EDNRA: variants seen among roughly 807,000 people sequenced by gnomAD.
EDNRA encodes endothelin-1 receptor.
A neutral mutation model predicts 41.4 loss-of-function variants in EDNRA; 11 were observed. The observed-to-expected ratio is 0.27, with a 90% CI of 0.17 to 0.44. The LOEUF is 0.44. Ranked by LOEUF, EDNRA falls within the 20% of genes least tolerant of loss-of-function variation. The probability of loss-of-function intolerance (pLI) is 1.00; values close to 1 mark genes in which losing one functional copy is unlikely to be tolerated. For missense variants in EDNRA, 294 were observed against 531.0 expected (o/e 0.55, Z 4.39); for synonymous variants, 172 against 183.0 (o/e 0.94, Z 0.49).
chr4:147,491,505 T>A (rs1232817742), intron 2 of EDNRA: 1 of 152,220 alleles, frequency 6.6e-6, no homozygotes, highest in African/African-American at 2.4e-5. Context: ...ATAAGGGCCT[T>A]CACTCTTAAA....
At chr4:147,483,375 G>A (rs62345670) in intron 1 of EDNRA, among the ~76,000 whole-genome samples, 1 of 152,128 alleles carries the variant, frequency 6.6e-6, no homozygotes, top group African/African-American at 2.4e-5. Context: ...CAAGACTCTG[G>A]TTTCCTTATA....
chr4:147,492,697 G>T (rs1729178630), intron 2 of EDNRA: 1 of 151,422 alleles, frequency 6.6e-6, no homozygotes, highest in Non-Finnish European at 1.5e-5. Flanking sequence ...TACGAAGTAG[G>T]TTGATTTTTC....
In EDNRA at chr4:147,521,034, A is replaced by T. The variant is rs568802912; in HGVS notation, c.548+1056A>T. Among the ~76,000 whole-genome samples, 6 of 152,282 alleles carry T rather than the reference A, an allele frequency of 3.9e-5. 1 individual carries two copies. In the South Asian group the frequency reaches 1.2e-3, roughly 32 times the overall value. On this transcript the variant is annotated intron_variant, in intron 3 of 7. Coordinates refer to ENST00000651419, the MANE Select transcript of EDNRA (RefSeq NM_001957.4). ...CACTTTAGGAGGCCAAGATGGGCTG[A>T]CTTCTTGAGCCCAGGAGTTTGAAAC...
At chr4:147,524,269 G>A (rs1042885842) in intron 3 of EDNRA, among the ~76,000 whole-genome samples, 1 of 152,034 alleles carries the variant, frequency 6.6e-6, no homozygotes, top group Non-Finnish European at 1.5e-5. Context: ...TCTTCCTTGG[G>A]GGGATCTAGG....
chr4:147,490,353 T>A (rs187072467), intron 2 of EDNRA: 15 of 152,350 alleles, frequency 9.8e-5, no homozygotes, highest in Admixed American at 7.2e-4. Flanking sequence ...AAAGGATAAC[T>A]GATTTTTAGT....
chr4:147,535,330 C>A (rs1255162149), intron 4 of EDNRA, among the ~76,000 whole-genome samples: 1 of 152,104 alleles, frequency 6.6e-6, no homozygotes, highest in African/African-American at 2.4e-5. Context: ...AAGTTCAAAG[C>A]GGCTGGCTTT....
chr4:147,498,651 G>A (rs564193305), intron 2 of EDNRA, among the ~76,000 whole-genome samples: 1 of 152,236 alleles, frequency 6.6e-6, no homozygotes, highest in South Asian at 2.1e-4. Context: ...CAAGCCTGGT[G>A]GCATCTCACC....
intron 3 of EDNRA, among the ~76,000 whole-genome samples, chr4:147,530,843 T>C (rs965206508): frequency 2.6e-4 from 39 of 152,220 alleles, no homozygotes; most frequent in South Asian, 6.2e-4. Context: ...TTGCATGTCC[T>C]GCAAACCCAT....
At chr4:147,499,833 C>G (rs112685354) in intron 2 of EDNRA, among the ~76,000 whole-genome samples, 1,935 of 114,148 alleles carry the variant, frequency 0.017, 49 homozygotes, top group African/African-American at 0.058. Flanking sequence ...GAGACGGAGT[C>G]TCACTCTGTC....
chr4:147,483,854 A>G (rs1728857174), intron 1 of EDNRA, among the ~76,000 whole-genome samples: 1 of 151,704 alleles, frequency 6.6e-6, no homozygotes, highest in Non-Finnish European at 1.5e-5. Flanking sequence ...CAAGTAGCTG[A>G]GACTACAGGC....
chr4:147,521,912 C>T (rs1730333320), intron 3 of EDNRA, among the ~76,000 whole-genome samples: 1 of 152,116 alleles, frequency 6.6e-6, no homozygotes, highest in African/African-American at 2.4e-5. Context: ...TGCTCTGTCA[C>T]CCGGACTAGA....
At chr4:147,531,188 TAATC>T (rs1373057014) in intron 3 of EDNRA, among the ~76,000 whole-genome samples, 1 of 152,256 alleles carries the variant, frequency 6.6e-6, no homozygotes, top group African/African-American at 2.4e-5. Context: ...TTGATTGACA[TAATC>T]ATTCAGTCAC....
chr4:147,543,615 A>T lies in EDNRA; in HGVS notation c.*997A>T, dbSNP rs1197497562. Reference sequence around the variant, plus strand: ...AGAAAAAGATCGAATTTTTCAGATGATTCAGAAATTTTCATTCAGGTATTT... The same window carrying T: ...AGAAAAAGATCGAATTTTTCAGATGTTTCAGAAATTTTCATTCAGGTATTT... On this transcript the variant is annotated 3_prime_UTR_variant, in exon 8 of 8. Transcript: ENST00000651419. The T allele has an allele frequency of 6.6e-6, 1 of 152,202 alleles. No homozygotes were observed. The highest frequency in any genetic ancestry group is 1.5e-5 in the Non-Finnish European group (1 of 68,038). The allele number at this position is 152,202 out of a possible 1,614,324, so 9.4% of individuals were successfully genotyped here.
intron 2 of EDNRA, chr4:147,506,155 G>T: frequency 3.8e-6 from 2 of 527,868 alleles, no homozygotes; most frequent in African/African-American, 1.9e-5. Context: ...GGGAAACTGT[G>T]GATTGCCAAG....
chr4:147,505,853 T>C (rs1003852816), intron 2 of EDNRA, among the ~76,000 whole-genome samples: 3 of 151,926 alleles, frequency 2.0e-5, no homozygotes, highest in Admixed American at 2.0e-4. Context: ...TTTCACCGTG[T>C]CAGCCAGGAT....
rs1218713173 is a variant in EDNRA at position 147,544,502 on chromosome 4, T to C, written c.*1884T>C. On this transcript the variant is annotated 3_prime_UTR_variant, in exon 8 of 8. Transcript: ENST00000651419. ...GACAGATTGCTGATAATAAATTAGGTAAGATAATTTGTTGGGCCATATTTT... is the reference window on the plus strand; with the variant it reads ...GACAGATTGCTGATAATAAATTAGGCAAGATAATTTGTTGGGCCATATTTT... 1.3e-5 allele frequency: 2 copies of C among 152,636 alleles called. No homozygotes were observed. Among genetic ancestry groups the C allele is most frequent in the Non-Finnish European group, 2.9e-5 (2 of 68,040 alleles). The allele number at this position is 152,636 out of a possible 1,614,324, so 9.5% of individuals were successfully genotyped here.
chr4:147,528,555 T>C (rs1444154785), intron 3 of EDNRA, among the ~76,000 whole-genome samples: 1 of 152,038 alleles, frequency 6.6e-6, no homozygotes, highest in Non-Finnish European at 1.5e-5. Flanking sequence ...TTTCACCATG[T>C]TGCCCAGGGT....
chr4:147,508,863 G>C (rs1008544317), intron 2 of EDNRA, among the ~76,000 whole-genome samples: 1 of 152,146 alleles, frequency 6.6e-6, no homozygotes, highest in Non-Finnish European at 1.5e-5. Flanking sequence ...TATATTAATA[G>C]TAAGTTTTTA....
At chr4:147,527,185 A>T (rs2126463471) in intron 3 of EDNRA, among the ~76,000 whole-genome samples, 1 of 152,336 alleles carries the variant, frequency 6.6e-6, no homozygotes, top group African/African-American at 2.4e-5. Flanking sequence ...TTCTTAAGGC[A>T]CTTCAGCCAC....
Sources: allele counts gnomAD v4.1 joint callset (sites outside exome capture counted in the v4.1 genomes callset), GRCh38; gene constraint gnomAD v4.1.1; transcripts MANE v1.5; gene names NCBI Gene and HGNC (gene_info 2026-07-23, HGNC 2026-07-21).